Variants in ABR observed in about 807,000 individuals in gnomAD.
ABR encodes ABR activator of RhoGEF and GTPase.
ABR carries 35 observed loss-of-function variants against 107.2 expected under a neutral mutation model. The ratio of observed to expected loss-of-function variants is 0.33; its 90% CI spans 0.25 to 0.43. ABR has a LOEUF of 0.43. Among genes scored for constraint, ABR ranks in the 20% least tolerant of loss-of-function variants. The probability of loss-of-function intolerance (pLI) is 1.00; values close to 1 mark genes in which losing one functional copy is unlikely to be tolerated. For synonymous variants in ABR, 498 were observed against 462.0 expected, an observed-to-expected ratio of 1.08 and a Z score of -1.00; for missense variants, 815 against 1,115.2, an observed-to-expected ratio of 0.73 and a Z score of 3.83.
At position 1,119,526 on chromosome 17, in the gene ABR, A is replaced by C. The variant is rs1217701549; in HGVS notation, c.246+5657T>G. Among the ~76,000 whole-genome samples, 4 of 113,030 alleles carry C rather than the reference A, an allele frequency of 3.5e-5. No individual in the cohort carries two copies. In the South Asian group the frequency reaches 1.3e-3, roughly 38 times the overall value. 74.2% of individuals were successfully genotyped at this position (113,030 alleles called of 152,430 possible). A position where few individuals can be genotyped will look rare whatever the true frequency, so the allele number is the denominator to read the frequency against. Reference sequence around the variant, plus strand: ...TTATCCCTGAGCCTGAGTTCTTCCCAGCGTTATTGCCTGAGCCTTCCTTGC... The same window carrying C: ...TTATCCCTGAGCCTGAGTTCTTCCCCGCGTTATTGCCTGAGCCTTCCTTGC... On this transcript the variant is annotated intron_variant, in intron 2 of 22. Coordinates refer to ENST00000302538, the MANE Select transcript of ABR (RefSeq NM_021962.5).
At chr17:1,009,514 C>T (rs1448036572) in intron 21 of ABR, among the ~76,000 whole-genome samples, 165 bp downstream of exon 21, 3 of 151,938 alleles carry the variant, frequency 2.0e-5, no homozygotes, top group African/African-American at 7.2e-5. Context: ...ACAGACAGCC[C>T]GATGGAGGCC....
At chr17:1,175,301 A>G (rs2151613317) in intron 1 of ABR, among the ~76,000 whole-genome samples, 1 of 152,196 alleles carries the variant, frequency 6.6e-6, no homozygotes, top group Non-Finnish European at 1.5e-5. Context: ...AATCCCAGCT[A>G]CTCAGGAGGC....
At chr17:1,207,877 C>T (rs951872095) in intron 1 of ABR, among the ~76,000 whole-genome samples, 1 of 151,800 alleles carries the variant, frequency 6.6e-6, no homozygotes, top group Non-Finnish European at 1.5e-5. Context: ...TCAAGCGATT[C>T]TCCTGCCTCA....
At chr17:1,194,905 G>T (rs62087720) in intron 1 of ABR, among the ~76,000 whole-genome samples, 9,679 of 92,834 alleles carry the variant, frequency 0.1, 795 homozygotes, top group East Asian at 0.25. Flanking sequence ...ACCCACCTCG[G>T]CCTCCTAAAG....
chr17:1,207,061 A>G (rs6598853), intron 1 of ABR, among the ~76,000 whole-genome samples: 146,240 of 151,856 alleles, frequency 0.96, 70,668 homozygotes, highest in East Asian at 1. Flanking sequence ...TCCAGCCTGG[A>G]CAACAGAGTG....
chr17:1,115,419 T>A (rs1338455756), intron 2 of ABR: 3 of 152,294 alleles, frequency 2.0e-5, no homozygotes, highest in Non-Finnish European at 4.4e-5. Flanking sequence ...TGGCAGAAAC[T>A]CAAGCCCCAC....
At chr17:1,219,221 T>C (rs112444303) in intron 1 of ABR, among the ~76,000 whole-genome samples, 27 of 151,890 alleles carry the variant, frequency 1.8e-4, no homozygotes, top group African/African-American at 6.5e-4. Context: ...TTTTGTTTTT[T>C]TTAGTAGAGA....
intron 2 of ABR, among the ~76,000 whole-genome samples, chr17:1,122,200 G>C (rs1320891391): frequency 2.0e-5 from 3 of 152,178 alleles, no homozygotes; most frequent in Non-Finnish European, 4.4e-5. Flanking sequence ...ACCGCGCCCA[G>C]CCTGAGAGTA....
At chr17:1,035,842 A>G (rs1439810960) in intron 16 of ABR, among the ~76,000 whole-genome samples, 1 of 149,840 alleles carries the variant, frequency 6.7e-6, no homozygotes, top group African/African-American at 2.5e-5. Flanking sequence ...CGTGGGTGGG[A>G]CCCCGCATTA....
At position 1,161,385 on chromosome 17, in the gene ABR, G is replaced by A. The variant is rs180988545; in HGVS notation, c.61+18282C>T. On this transcript the variant is annotated intron_variant, in intron 1 of 22. Coordinates refer to ENST00000302538, the MANE Select transcript of ABR (RefSeq NM_021962.5). ...GCCTCCCAAGTAGCTTAGACTCTAG[G>A]GGCATTCCACCACACCTGGCTAATT... Among the ~76,000 whole-genome samples, 468 of 148,272 alleles carry A rather than the reference G, an allele frequency of 3.2e-3. 8 individuals carry two copies. Among genetic ancestry groups the A allele is most frequent in the Admixed American group, 0.028 (416 of 14,614 alleles).
intron 1 of ABR, among the ~76,000 whole-genome samples, chr17:1,130,488 G>A (rs906556467): frequency 1.3e-5 from 2 of 151,750 alleles, no homozygotes; most frequent in African/African-American, 4.8e-5. Context: ...ACACAGCCCC[G>A]CTCCTCAGCT....
At chr17:1,176,377 G>A (rs1016452451) in intron 1 of ABR, among the ~76,000 whole-genome samples, 9 of 152,238 alleles carry the variant, frequency 5.9e-5, no homozygotes, top group Admixed American at 6.5e-5. Context: ...AATAAACTCA[G>A]ACATACCCAG....
chr17:1,018,917 A>T (rs547145703), intron 16 of ABR, among the ~76,000 whole-genome samples: 1 of 152,278 alleles, frequency 6.6e-6, no homozygotes, highest in African/African-American at 2.4e-5. Context: ...GAGAGTGAGG[A>T]ATTTACCCAG....
Position 1,179,926 on chromosome 17 carries a change from C to A in ABR, c.-199G>T. Reference sequence around the variant, plus strand: ...GGGAGCCCCCAAAACCCTCCCGAACCCTCCCGGCCCCAGCGGCCGCGCCGA... The same window carrying A: ...GGGAGCCCCCAAAACCCTCCCGAACACTCCCGGCCCCAGCGGCCGCGCCGA... On this transcript the variant is annotated 5_prime_UTR_variant, in exon 1 of 23. Coordinates refer to ENST00000302538, the MANE Select transcript of ABR (RefSeq NM_021962.5). The surrounding 1 kb of genome is among the most constrained non-coding windows in gnomAD (Gnocchi z 4.9). The A allele has an allele frequency of 2.3e-6, 1 of 443,244 alleles. No individual in the cohort carries two copies. The highest frequency in any genetic ancestry group is 3.7e-6 in the Non-Finnish European group (1 of 268,776). 27.5% of individuals were successfully genotyped at this position (443,244 alleles called of 1,614,324 possible).
intron 2 of ABR, among the ~76,000 whole-genome samples, chr17:1,107,320 C>T (rs2038320652): frequency 6.6e-6 from 1 of 152,226 alleles, no homozygotes; most frequent in South Asian, 2.1e-4. Context: ...CCTTCGTGGG[C>T]CCCAGCGGGC....
chr17:1,043,860 G>C (rs1412341760), intron 16 of ABR, among the ~76,000 whole-genome samples: 1 of 152,206 alleles, frequency 6.6e-6, no homozygotes, highest in African/African-American at 2.4e-5. Flanking sequence ...TGTGGGGTGG[G>C]GGCTGTCCCC....
intron 2 of ABR, among the ~76,000 whole-genome samples, chr17:1,123,257 C>T (rs2039431849): frequency 6.6e-6 from 1 of 152,182 alleles, no homozygotes; most frequent in Non-Finnish European, 1.5e-5. Context: ...CTCCCTACTC[C>T]TGCCTTGCGT....
intron 1 of ABR, among the ~76,000 whole-genome samples, chr17:1,173,307 C>CTCAACACATCACCTCAGTCCA (rs2041808936): frequency 7.7e-6 from 1 of 129,174 alleles, no homozygotes. Context: ...CCTCAGTCCA[C>CTCAACACATCACCTCAGTCCA]CCCCCCCATC....
chr17:1,165,880 C>A (rs2041482490), intron 1 of ABR, among the ~76,000 whole-genome samples: 1 of 152,172 alleles, frequency 6.6e-6, no homozygotes, highest in South Asian at 2.1e-4. Context: ...GTGCCATGGT[C>A]TCTCTGAGTC....
Sources: allele counts gnomAD v4.1 joint callset (sites outside exome capture counted in the v4.1 genomes callset), GRCh38; gene constraint gnomAD v4.1.1; non-coding constraint Gnocchi (gnomAD v3.1); transcripts MANE v1.5; gene names NCBI Gene and HGNC (gene_info 2026-07-23, HGNC 2026-07-21).